The following UTRN variants were observed in gnomAD, a reference collection of about 807,000 sequenced individuals.
The protein encoded by UTRN is dystrophin-related protein 1.
A neutral mutation model predicts 463.9 loss-of-function variants in UTRN; 283 were observed. That is an observed-to-expected ratio of 0.61 (90% CI 0.55 to 0.67). The LOEUF (loss-of-function observed/expected upper bound fraction) is 0.67, where lower values mean the gene tolerates loss of function less well. Ranked by LOEUF, UTRN falls within the 30% of genes least tolerant of loss-of-function variation. UTRN has a pLI of 0.00. For synonymous variants in UTRN, 1,442 were observed against 1,431.5 expected (o/e 1.01, Z -0.17); for missense variants, 3,922 against 4,084.3 (o/e 0.96, Z 1.08).
chr6:144,408,728 A>G (rs9496966), intron 3 of UTRN, among the ~76,000 whole-genome samples: 5,463 of 152,280 alleles, frequency 0.036, 319 homozygotes, highest in African/African-American at 0.12. Flanking sequence ...ACAGTGAGAC[A>G]TTGCTTTTAG....
At chr6:144,464,319 A>C (rs2128562828) in intron 23 of UTRN, among the ~76,000 whole-genome samples, 1 of 152,196 alleles carries the variant, frequency 6.6e-6, no homozygotes, top group East Asian at 1.9e-4. Context: ...AGTTCCAATG[A>C]ATGATCAGCA....
chr6:144,835,721 G>GTC, intron 69 of UTRN, 59 bp from the exon 70 acceptor site: 1 of 1,598,774 alleles, frequency 6.3e-7, no homozygotes. Flanking sequence ...CTTCCTTTAT[G>GTC]TCCAAAAACA....
In UTRN at chr6:144,502,995, T is replaced by C. The variant is rs763821642; in HGVS notation, c.4764+3568T>C. On this transcript the variant is annotated intron_variant, in intron 34 of 74. Transcript: ENST00000367545. ...GTAGTTTTGATTTGCATTTCTGTAA[T>C]GACCAGTGATGATGAGCTTTTTTTC... is the stretch of plus-strand genomic sequence containing the variant. Among the ~76,000 whole-genome samples, 9 of 152,284 alleles carry C rather than the reference T, an allele frequency of 5.9e-5. No homozygotes were observed. The South Asian group carries it at 1.2e-3, about 21-fold the overall frequency.
intron 29 of UTRN, 23 bp downstream of exon 29, chr6:144,487,720 G>T (rs905181370): frequency 6.3e-7 from 1 of 1,577,448 alleles, no homozygotes. Flanking sequence ...ACATACATGG[G>T]TGTTGATTAG....
At chr6:144,368,059 C>T (rs892616904) in intron 2 of UTRN, among the ~76,000 whole-genome samples, 54 of 152,044 alleles carry the variant, frequency 3.6e-4, no homozygotes, top group African/African-American at 1.2e-3. Flanking sequence ...GGATTACAGC[C>T]GTGAGCCACT....
intron 35 of UTRN, among the ~76,000 whole-genome samples, chr6:144,512,454 A>G (rs1471962980): frequency 6.6e-6 from 1 of 151,970 alleles, no homozygotes; most frequent in Non-Finnish European, 1.5e-5. Flanking sequence ...ATATTTTCTC[A>G]TATCATTTAT....
chr6:144,751,172 A>G (rs959300008), intron 55 of UTRN, among the ~76,000 whole-genome samples: 1 of 152,208 alleles, frequency 6.6e-6, no homozygotes, highest in African/African-American at 2.4e-5. Context: ...AAAAATATTA[A>G]GGTAGCTATG....
chr6:144,491,511 A>G (rs1793073941), intron 32 of UTRN, among the ~76,000 whole-genome samples: 1 of 152,222 alleles, frequency 6.6e-6, no homozygotes, highest in Admixed American at 6.5e-5. Context: ...TAAAAATTTC[A>G]ATAGAAATTT....
chr6:144,465,992 A>G (rs1789920098), intron 23 of UTRN, among the ~76,000 whole-genome samples: 1 of 152,236 alleles, frequency 6.6e-6, no homozygotes, highest in Admixed American at 6.5e-5. Context: ...ACTTACAGTG[A>G]ACATTTAGAG....
At chr6:144,703,218 T>A (rs1784763249) in intron 53 of UTRN, among the ~76,000 whole-genome samples, 1 of 152,054 alleles carries the variant, frequency 6.6e-6, no homozygotes, top group Non-Finnish European at 1.5e-5. Context: ...ACAAAGCAAA[T>A]AGAAAATGGA....
At chr6:144,383,009 G>T (rs1455050556) in intron 2 of UTRN, among the ~76,000 whole-genome samples, 1 of 152,146 alleles carries the variant, frequency 6.6e-6, no homozygotes, top group Non-Finnish European at 1.5e-5. Context: ...ATGGCTCACT[G>T]CAGCCTCGAA....
At chr6:144,839,359 G>A in intron 72 of UTRN, 75 bp downstream of exon 72, 1 of 1,253,510 alleles carries the variant, frequency 8.0e-7, no homozygotes, top group Non-Finnish European at 1.1e-6. Flanking sequence ...TTCCTGTTAA[G>A]TAACATTCCT....
intron 2 of UTRN, among the ~76,000 whole-genome samples, chr6:144,314,497 C>T (rs1775150932): frequency 6.6e-6 from 1 of 152,200 alleles, no homozygotes; most frequent in Non-Finnish European, 1.5e-5. Flanking sequence ...GGTTGGCCAG[C>T]GAACCTCCTT....
chr6:144,774,029 A>C (rs1325244174), intron 59 of UTRN, among the ~76,000 whole-genome samples: 2 of 152,186 alleles, frequency 1.3e-5, no homozygotes, highest in Admixed American at 1.3e-4. Flanking sequence ...TACTCAACCC[A>C]CCATGTTCTG....
intron 2 of UTRN, among the ~76,000 whole-genome samples, chr6:144,335,177 A>T (rs1776625562): frequency 6.6e-6 from 1 of 152,228 alleles, no homozygotes; most frequent in African/African-American, 2.4e-5. Flanking sequence ...TGGCAGAGAA[A>T]AATTTCATGG....
At chr6:144,850,357 A>T (rs1782384260) in intron 74 of UTRN, among the ~76,000 whole-genome samples, 1 of 152,146 alleles carries the variant, frequency 6.6e-6, no homozygotes, top group South Asian at 2.1e-4. Flanking sequence ...TTTATGATTT[A>T]TGAGGCATGG....
intron 50 of UTRN, among the ~76,000 whole-genome samples, chr6:144,570,264 G>GT (rs751800688): frequency 1.3e-5 from 2 of 152,032 alleles, no homozygotes; most frequent in East Asian, 3.9e-4. Context: ...GATATTTAAG[G>GT]TAAAAAAAAG....
intron 2 of UTRN, among the ~76,000 whole-genome samples, chr6:144,384,333 G>A (rs977843966): frequency 4.6e-5 from 7 of 152,072 alleles, no homozygotes; most frequent in South Asian, 2.1e-4. Flanking sequence ...GATCAGCAGC[G>A]GCATTCGATT....
intron 51 of UTRN, among the ~76,000 whole-genome samples, chr6:144,612,535 A>G (rs145412716): frequency 1.7e-4 from 26 of 152,246 alleles, no homozygotes; most frequent in African/African-American, 4.6e-4. Context: ...TTAAAAATTG[A>G]CAAAGTACCT....
Sources: gnomAD v4.1 joint callset for allele counts (sites outside exome capture counted in the v4.1 genomes callset) on GRCh38, gnomAD v4.1.1 for gene constraint, MANE v1.5 for transcripts, NCBI Gene and HGNC (gene_info 2026-07-23, HGNC 2026-07-21) for gene names.